Variants in MAD2L2 observed in about 807,000 individuals in gnomAD.
MAD2L2 encodes the protein mitotic arrest deficient 2 like 2.
Under a neutral mutation model 30.5 loss-of-function variants are expected in MAD2L2, and 17 were observed. The observed-to-expected ratio is 0.56, with a 90% CI of 0.38 to 0.84. The LOEUF (loss-of-function observed/expected upper bound fraction) is 0.84, where lower values mean the gene tolerates loss of function less well. Ranked by LOEUF, MAD2L2 falls within the 40% of genes least tolerant of loss-of-function variation. The pLI is 0.00. For synonymous variants in MAD2L2, 101 were observed against 113.9 expected, an observed-to-expected ratio of 0.89 and a Z score of 0.72; for missense variants, 213 against 277.4, an observed-to-expected ratio of 0.77 and a Z score of 1.65.
At chr1:11,684,318 G>A (rs1264535861), upstream of MAD2L2, among the ~76,000 whole-genome samples, 1 of 152,154 alleles carries the variant, frequency 6.6e-6, no homozygotes, top group African/African-American at 2.4e-5. Context: ...ATTACATTAT[G>A]GGGTTAATTT....
At chr1:11,677,350 A>G in intron 4 of MAD2L2, 193 bp downstream of exon 4, 1 of 623,588 alleles carries the variant, frequency 1.6e-6, no homozygotes, top group Non-Finnish European at 2.8e-6. Flanking sequence ...CACCCTGAAC[A>G]TGGCCCGCAT....
At chr1:11,689,811 C>G (rs1641029032) in intron 1 of MAD2L2, among the ~76,000 whole-genome samples, 1 of 152,032 alleles carries the variant, frequency 6.6e-6, no homozygotes, top group African/African-American at 2.4e-5. Flanking sequence ...TCCAAGAACC[C>G]TCTCCTGAGG....
chr1:11,680,097 G>C (rs1640844420), intron 3 of MAD2L2, among the ~76,000 whole-genome samples: 1 of 149,554 alleles, frequency 6.7e-6, no homozygotes, highest in African/African-American at 2.5e-5. Context: ...CTGGGTTCAA[G>C]GGATTCTCCT....
rs1350548381 is a variant in MAD2L2 at position 11,688,584 on chromosome 1, C to T, written c.-692+2829G>A. On this transcript the variant is annotated intron_variant, in intron 1 of 10. Transcript: ENST00000235310. This position sits in a 1 kb window ranked among gnomAD's most constrained non-coding sequence, Gnocchi z 4.6. Reference sequence around the variant, plus strand: ...TCAAAAAAAAAAAAGAAAAAGCAATCAGCAAACCTGCTAAAAACCTAAGTC... The same window carrying T: ...TCAAAAAAAAAAAAGAAAAAGCAATTAGCAAACCTGCTAAAAACCTAAGTC... 6.6e-6 allele frequency among the ~76,000 whole-genome samples: 1 copy of T among 151,784 alleles called. No individual in the cohort carries two copies. Among genetic ancestry groups the T allele is most frequent in the Non-Finnish European group, 1.5e-5 (1 of 67,946 alleles).
intron 3 of MAD2L2, 112 bp from the exon 4 acceptor site, chr1:11,677,726 TC>T: frequency 1.2e-6 from 1 of 813,888 alleles, no homozygotes; most frequent in Non-Finnish European, 2.0e-6. Context: ...CCAGCAGCTC[TC>T]CAGGGCTCCC....
At chr1:11,683,116 G>A (rs933456679), upstream of MAD2L2, among the ~76,000 whole-genome samples, 8 of 152,188 alleles carry the variant, frequency 5.3e-5, no homozygotes, top group Admixed American at 5.2e-4. Flanking sequence ...TCAGACTGGG[G>A]CCTGGGGTGG....
intron 5 of MAD2L2, 61 bp downstream of exon 5, chr1:11,676,787 G>T: frequency 7.6e-7 from 1 of 1,310,524 alleles, no homozygotes; most frequent in Non-Finnish European, 1.1e-6. Context: ...TTAAAGGGGT[G>T]GGTGTGTTGC....
upstream of MAD2L2, among the ~76,000 whole-genome samples, chr1:11,682,315 G>A (rs1640892154): frequency 6.6e-6 from 1 of 152,132 alleles, no homozygotes; most frequent in Non-Finnish European, 1.5e-5. Flanking sequence ...AACAAGTCAG[G>A]ACCAGAAGCC....
In MAD2L2 at chr1:11,676,074, G is replaced by C; in HGVS notation, c.399C>G (p.Cys133Trp). The change falls in exon 6 of 9, where the codon TGC (cysteine) becomes TGG (tryptophan). Residue 133 changes from cysteine to tryptophan, a missense_variant. Cys to Trp is a radical substitution (Grantham distance 215). Coordinates refer to ENST00000376692, the MANE Select transcript of MAD2L2 (RefSeq NM_006341.4). ...GGGGGTTGTGGTCCAGGACGGCATC[G>C]CACACGCTGATCTTCAGGATGAAGG... ...LRAFILKISV[C>W]DAVLDHNPPG... 6.2e-7 allele frequency: 1 copy of C among 1,613,062 alleles called. No homozygotes were observed. The highest frequency in any genetic ancestry group is 8.5e-7 in the Non-Finnish European group (1 of 1,179,582).
At position 11,676,151 on chromosome 1, in the gene MAD2L2, G is replaced by C; in HGVS notation, c.333-11C>G. On this transcript the variant is annotated splice_polypyrimidine_tract_variant and intron_variant, in intron 5 of 8. Transcript: ENST00000376692. ...AACAGCGAGTCTGAGCTGGGAGTGA[G>C]AGGAGGTCTTCCCATCACACTGGCG... is the stretch of plus-strand genomic sequence containing the variant. 4 of 1,571,680 alleles carry C rather than the reference G, an allele frequency of 2.5e-6. No homozygotes were observed. Among genetic ancestry groups the C allele is most frequent in the Non-Finnish European group, 3.5e-6 (4 of 1,152,612 alleles).
upstream of MAD2L2, chr1:11,682,051 ACTT>A (rs1404881350): frequency 2.6e-5 from 4 of 152,194 alleles, no homozygotes; most frequent in Admixed American, 2.6e-4. Context: ...AACATCGAGC[ACTT>A]CTTATGTGTC....
At position 11,677,172 on chromosome 1, in the gene MAD2L2, G is replaced by A; in HGVS notation, c.232-224C>T. 4 of 612,340 alleles carry A rather than the reference G, an allele frequency of 6.5e-6. No individual in the cohort carries two copies. In the South Asian group the frequency reaches 8.1e-5, roughly 12 times the overall value. 37.9% of individuals were successfully genotyped at this position (612,340 alleles called of 1,614,324 possible). ...AGAATGCCCGGGCCCCATAGGGAAG[G>A]TCCCAGGAAGTCTGAGATCAGGACT... On this transcript the variant is annotated intron_variant, in intron 4 of 8. Coordinates refer to ENST00000376692, the MANE Select transcript of MAD2L2 (RefSeq NM_006341.4).
chr1:11,679,590 G>A (rs527538988), intron 3 of MAD2L2, among the ~76,000 whole-genome samples: 8 of 148,534 alleles, frequency 5.4e-5, no homozygotes, highest in East Asian at 4.0e-4. Context: ...GCAGTGGCAC[G>A]ATCTGGGCTT....
At chr1:11,680,708 G>A in intron 1 of MAD2L2, 95 bp from the exon 2 acceptor site, 1 of 1,474,508 alleles carries the variant, frequency 6.8e-7, no homozygotes. Context: ...ACAGTCTGTG[G>A]GAACTGGGGA....
upstream of MAD2L2, among the ~76,000 whole-genome samples, chr1:11,685,387 C>T (rs995331740): frequency 4.6e-5 from 7 of 152,126 alleles, no homozygotes; most frequent in African/African-American, 7.2e-5. Flanking sequence ...CTTCAGTGCC[C>T]GGGCTATGGG....
intron 3 of MAD2L2, 24 bp downstream of exon 3, chr1:11,680,329 C>G: frequency 1.3e-6 from 2 of 1,590,868 alleles, no homozygotes; most frequent in Non-Finnish European, 1.7e-6. Flanking sequence ...TGTACCCACT[C>G]TGTGGTTCTG....
At position 11,687,805 on chromosome 1, in the gene MAD2L2, T is replaced by C. The variant is rs1282739232; in HGVS notation, c.-692+3608A>G. Among the ~76,000 whole-genome samples the C allele has an allele frequency of 6.6e-6, 1 of 152,248 alleles. No individual in the cohort carries two copies. Among genetic ancestry groups the C allele is most frequent in the Non-Finnish European group, 1.5e-5 (1 of 68,038 alleles). On this transcript the variant is annotated intron_variant, in intron 1 of 10. Coordinates refer to the MAD2L2 transcript ENST00000235310. The surrounding 1 kb of genome is among the most constrained non-coding windows in gnomAD (Gnocchi z 4.1). ...GGTCGAATCACATATTGATACTTCA[T>C]TCCTTCGTAGAACCAAAATACTCCC... is the stretch of plus-strand genomic sequence containing the variant.
chr1:11,677,151 T>C (rs1640784210), intron 4 of MAD2L2: 1 of 621,860 alleles, frequency 1.6e-6, no homozygotes. Context: ...GCTGAGAGAA[T>C]GCCCGGGCCC....
At chr1:11,683,512 TCG>T (rs1640908943), upstream of MAD2L2, among the ~76,000 whole-genome samples, 1 of 150,930 alleles carries the variant, frequency 6.6e-6, no homozygotes, top group Admixed American at 6.6e-5. Context: ...CTTTGGGGAC[TCG>T]GGGGGAAGGA....
Sources: allele counts gnomAD v4.1 joint callset (sites outside exome capture counted in the v4.1 genomes callset), GRCh38; gene constraint gnomAD v4.1.1; non-coding constraint Gnocchi (gnomAD v3.1); transcripts MANE v1.5; gene names NCBI Gene and HGNC (gene_info 2026-07-23, HGNC 2026-07-21).